HEMK2: variants seen among roughly 807,000 people sequenced by gnomAD.
HEMK2 encodes the protein methyltransferase HEMK2.
the HEMK2 span, among the ~76,000 whole-genome samples, chr21:28,838,864 G>C: frequency 6.9e-6 from 1 of 145,528 alleles, no homozygotes; most frequent in East Asian, 2.0e-4. Context: ...GCTTGAACCT[G>C]GGAGGCAGAG....
At chr21:28,871,831 G>A in the HEMK2 span, among the ~76,000 whole-genome samples, 2 of 152,054 alleles carry the variant, frequency 1.3e-5, no homozygotes, top group Non-Finnish European at 2.9e-5. Context: ...GCAACCCCTG[G>A]CATTCCTTTA....
At chr21:28,797,449 A>C in the HEMK2 span, among the ~76,000 whole-genome samples, 8 of 146,892 alleles carry the variant, frequency 5.4e-5, no homozygotes, top group Admixed American at 2.7e-4. Flanking sequence ...AAACAAAAAA[A>C]AAAAACAAAA....
At chr21:28,863,468 A>C in the HEMK2 span, among the ~76,000 whole-genome samples, 12,301 of 79,580 alleles carry the variant, frequency 0.15, 1,794 homozygotes, top group African/African-American at 0.3. Context: ...ATATATATAT[A>C]TACTTCATTA....
the HEMK2 span, among the ~76,000 whole-genome samples, chr21:28,675,863 A>T: frequency 1.3e-5 from 2 of 152,314 alleles, no homozygotes; most frequent in Non-Finnish European, 2.9e-5. Context: ...CATCTGTGTT[A>T]GCTCTTCTTA....
the HEMK2 span, among the ~76,000 whole-genome samples, chr21:28,779,381 G>A: frequency 6.6e-6 from 1 of 152,200 alleles, no homozygotes; most frequent in Non-Finnish European, 1.5e-5. Flanking sequence ...GAGTAATACT[G>A]TATGATCTCA....
chr21:28,699,861 T>C, the HEMK2 span, among the ~76,000 whole-genome samples: 1 of 152,240 alleles, frequency 6.6e-6, no homozygotes, highest in Non-Finnish European at 1.5e-5. Flanking sequence ...TTGATTTATG[T>C]GACAAGAATC....
the HEMK2 span, among the ~76,000 whole-genome samples, chr21:28,729,658 A>T: frequency 6.7e-6 from 1 of 148,328 alleles, no homozygotes; most frequent in African/African-American, 2.5e-5. Context: ...AATCACAAAA[A>T]AATTTCATAA....
At chr21:28,715,381 T>C in the HEMK2 span, among the ~76,000 whole-genome samples, 1 of 152,316 alleles carries the variant, frequency 6.6e-6, no homozygotes, top group Admixed American at 6.5e-5. Context: ...GATCTACATT[T>C]CACTGATGAT....
chr21:28,712,201 C>G, the HEMK2 span, among the ~76,000 whole-genome samples: 9 of 152,298 alleles, frequency 5.9e-5, no homozygotes, highest in Admixed American at 2.6e-4. Context: ...TGGTTGCCCA[C>G]CACCATGATC....
chr21:28,619,506 T>C, the HEMK2 span, among the ~76,000 whole-genome samples: 1 of 152,202 alleles, frequency 6.6e-6, no homozygotes, highest in African/African-American at 2.4e-5. Flanking sequence ...TTGTGAAGCA[T>C]TCATTTTACC....
At chr21:28,871,549 T>C in the HEMK2 span, among the ~76,000 whole-genome samples, 1 of 152,192 alleles carries the variant, frequency 6.6e-6, no homozygotes. Context: ...ACCATATCAG[T>C]GTCCATGTCT....
At chr21:28,578,967 T>C in the HEMK2 span, among the ~76,000 whole-genome samples, 94,125 of 152,044 alleles carry the variant, frequency 0.62, 31,364 homozygotes, top group Non-Finnish European at 0.75. Context: ...GTCAGGAAAA[T>C]TGTCTAAGAG....
the HEMK2 span, among the ~76,000 whole-genome samples, chr21:28,850,466 C>T: frequency 2.6e-4 from 40 of 152,144 alleles, no homozygotes; most frequent in South Asian, 7.7e-3. Context: ...CCTCGTGATC[C>T]GCCTGCCTCG....
At chr21:28,867,455 AG>A in the HEMK2 span, among the ~76,000 whole-genome samples, 2 of 152,224 alleles carry the variant, frequency 1.3e-5, no homozygotes, top group African/African-American at 2.4e-5. Flanking sequence ...GCAGAACTAA[AG>A]GAAGTTCTAA....
the HEMK2 span, among the ~76,000 whole-genome samples, chr21:28,805,298 C>A: frequency 6.6e-6 from 1 of 152,182 alleles, no homozygotes; most frequent in East Asian, 1.9e-4. Flanking sequence ...CTTCTCACTG[C>A]CTGTTTTCCC....
At chr21:28,850,764 A>C in the HEMK2 span, among the ~76,000 whole-genome samples, 24,363 of 152,100 alleles carry the variant, frequency 0.16, 2,392 homozygotes, top group East Asian at 0.49. Context: ...GGACAGAACT[A>C]ATAGGATAGA....
the HEMK2 span, among the ~76,000 whole-genome samples, chr21:28,849,525 T>C: frequency 6.6e-6 from 1 of 152,124 alleles, no homozygotes. Context: ...TTAACCAGGC[T>C]TAAATGGTTG....
the HEMK2 span, among the ~76,000 whole-genome samples, chr21:28,654,463 G>A: frequency 6.6e-6 from 1 of 152,014 alleles, no homozygotes; most frequent in Non-Finnish European, 1.5e-5. Context: ...TTTGGTGGTA[G>A]AAAGGCACAA....
chr21:28,792,695 G>A, the HEMK2 span, among the ~76,000 whole-genome samples: 2 of 152,146 alleles, frequency 1.3e-5, no homozygotes, highest in Non-Finnish European at 2.9e-5. Context: ...AGAGTGACAT[G>A]GCAATGCTCC....
Sources: gnomAD v4.1 joint callset for allele counts (sites outside exome capture counted in the v4.1 genomes callset) on GRCh38, gnomAD v4.1.1 for gene constraint, MANE v1.5 for transcripts, NCBI Gene and HGNC (gene_info 2026-07-23, HGNC 2026-07-21) for gene names.